Variants in HSF2BP observed in about 807,000 individuals in gnomAD.
HSF2BP encodes heat shock factor 2-binding protein.
HSF2BP carries 35 observed loss-of-function variants against 35.0 expected under a neutral mutation model. That is an observed-to-expected ratio of 1.00 (90% CI 0.76 to 1.32). The LOEUF is 1.32. Among genes scored for constraint, HSF2BP ranks in the 40% most tolerant of loss-of-function variants. The pLI is 0.00. For synonymous variants in HSF2BP, 114 were observed against 117.4 expected (o/e 0.97, Z 0.18); for missense variants, 326 against 321.7 (o/e 1.01, Z -0.10).
chr21:43,644,287 A>C lies in HSF2BP; in HGVS notation c.291+2T>G. ...GTGAGAGTCTGTCCCTGAGCATGGTACCTTCTTCTCTCTTATGTTGTCGGC... is the reference window on the plus strand; with the variant it reads ...GTGAGAGTCTGTCCCTGAGCATGGTCCCTTCTTCTCTCTTATGTTGTCGGC... On this transcript the variant is annotated splice_donor_variant, in intron 4 of 8. Transcript: ENST00000291560. LOFTEE classifies it high-confidence loss of function. 2 of 1,609,806 alleles carry C rather than the reference A, an allele frequency of 1.2e-6. No individual in the cohort carries two copies. The highest frequency in any genetic ancestry group is 1.7e-6 in the Non-Finnish European group (2 of 1,176,152).
chr21:43,646,304 A>G (rs1262983995), intron 3 of HSF2BP, among the ~76,000 whole-genome samples: 1 of 152,214 alleles, frequency 6.6e-6, no homozygotes, highest in East Asian at 1.9e-4. Context: ...ATCCCAGCCA[A>G]AAAATCAACT....
chr21:43,595,724 TAA>T (rs1394040311), intron 7 of HSF2BP, among the ~76,000 whole-genome samples: 28 of 132,446 alleles, frequency 2.1e-4, no homozygotes, highest in Non-Finnish European at 4.3e-4. Flanking sequence ...ATTAAGAGGC[TAA>T]TTTTTTTTTT....
At chr21:43,631,304 G>A (rs956082040) in intron 5 of HSF2BP, among the ~76,000 whole-genome samples, 11 of 151,976 alleles carry the variant, frequency 7.2e-5, no homozygotes, top group Admixed American at 2.0e-4. Flanking sequence ...TCATGATCAC[G>A]CCATGCTCCC....
chr21:43,591,889 T>G (rs1299978433), intron 8 of HSF2BP, among the ~76,000 whole-genome samples: 1 of 152,230 alleles, frequency 6.6e-6, no homozygotes, highest in Non-Finnish European at 1.5e-5. Flanking sequence ...AGTAGCTATC[T>G]AGGTCATCAG....
the HSF2BP span, among the ~76,000 whole-genome samples, chr21:43,467,892 A>C: frequency 7.8e-6 from 1 of 128,454 alleles, no homozygotes; most frequent in African/African-American, 3.0e-5. Flanking sequence ...CACACACCAC[A>C]CACCACACAC....
chr21:43,646,270 A>C (rs1026740203), intron 3 of HSF2BP, among the ~76,000 whole-genome samples: 1 of 152,122 alleles, frequency 6.6e-6, no homozygotes, highest in South Asian at 2.1e-4. Context: ...AATGACTTTC[A>C]CTGGAATTCT....
intron 7 of HSF2BP, among the ~76,000 whole-genome samples, chr21:43,600,943 C>T (rs1456148036): frequency 2.6e-5 from 4 of 152,228 alleles, no homozygotes; most frequent in Admixed American, 6.5e-5. Flanking sequence ...CAATCTTCCA[C>T]GCCATGGTGA....
At chr21:43,625,244 C>T (rs1388174489) in intron 6 of HSF2BP, among the ~76,000 whole-genome samples, 1 of 152,018 alleles carries the variant, frequency 6.6e-6, no homozygotes, top group African/African-American at 2.4e-5. Flanking sequence ...TGGACATCAG[C>T]CAACCAATCT....
At position 43,658,159 on chromosome 21, in the gene HSF2BP, G is replaced by A. The variant is rs188960668; in HGVS notation, c.-63C>T. ...GCGCGCCCTCTGACCCCTCACGCCA[G>A]AAAGCGCGGGAACGAATCCACGCCG... On this transcript the variant is annotated 5_prime_UTR_variant, in exon 2 of 9. Transcript: ENST00000291560. 1.9e-3 allele frequency: 2,723 copies of A among 1,454,990 alleles called. 4 individuals are homozygous for A. The highest frequency in any genetic ancestry group is 2.3e-3 in the Non-Finnish European group (2,507 of 1,104,724). The allele number at this position is 1,454,990 out of a possible 1,614,324, so 90.1% of individuals were successfully genotyped here. A position where few individuals can be genotyped will look rare whatever the true frequency, so the allele number is the denominator to read the frequency against.
intron 4 of HSF2BP, among the ~76,000 whole-genome samples, chr21:43,639,711 G>GGAAAACAATTTGGCAAT (rs1204211344): frequency 6.6e-6 from 1 of 152,078 alleles, no homozygotes; most frequent in East Asian, 1.9e-4. Flanking sequence ...CAGACACTCT[G>GGAAAACAATTTGGCAAT]GAAAACAATT....
intron 7 of HSF2BP, among the ~76,000 whole-genome samples, chr21:43,593,160 T>C (rs559724223): frequency 5.9e-4 from 90 of 152,278 alleles, no homozygotes; most frequent in African/African-American, 2.0e-3. Context: ...TCAGTTACAG[T>C]GGCTTCACGC....
chr21:43,607,947 C>T (rs1457758160), intron 7 of HSF2BP, among the ~76,000 whole-genome samples: 1 of 152,110 alleles, frequency 6.6e-6, no homozygotes, highest in Non-Finnish European at 1.5e-5. Flanking sequence ...AAAATTAACT[C>T]AAGATGGATT....
chr21:43,607,166 T>C (rs1254931769), intron 7 of HSF2BP, among the ~76,000 whole-genome samples: 1 of 151,946 alleles, frequency 6.6e-6, no homozygotes, highest in Non-Finnish European at 1.5e-5. Context: ...GGCACACACC[T>C]GTAGTCCCAG....
At chr21:43,580,317 A>G (rs1420178521) in intron 8 of HSF2BP, among the ~76,000 whole-genome samples, 1 of 152,168 alleles carries the variant, frequency 6.6e-6, no homozygotes, top group East Asian at 1.9e-4. Flanking sequence ...AGTTAATTGT[A>G]TCCTGACCAG....
At chr21:43,646,134 A>T (rs549699871) in intron 3 of HSF2BP, among the ~76,000 whole-genome samples, 2 of 146,290 alleles carry the variant, frequency 1.4e-5, no homozygotes, top group South Asian at 4.4e-4. Flanking sequence ...CCAGGGTAAG[A>T]CTCCCATCTC....
At position 43,595,726 on chromosome 21, in the gene HSF2BP, ATTTTTTTTTTT is replaced by A. The variant is rs770855952; in HGVS notation, c.693-3409_693-3399del. Among the ~76,000 whole-genome samples the A allele has an allele frequency of 1.3e-3, 77 of 58,450 alleles. 1 individual carries two copies. The East Asian group carries it at 0.016, about 12-fold the overall frequency. The allele number at this position is 58,450 out of a possible 152,430, so 38.3% of individuals were successfully genotyped here. On this transcript the variant is annotated intron_variant, in intron 7 of 8. Transcript: ENST00000291560. Reference sequence around the variant, plus strand: ...AGCATCTTTAAAAATTAAGAGGCTAATTTTTTTTTTTTTTTTTTTTTTTTTTTTTTTTTGTG... The same window carrying A: ...AGCATCTTTAAAAATTAAGAGGCTAATTTTTTTTTTTTTTTTTTTTTTGTG...
At chr21:43,655,994 G>A (rs769622294) in intron 3 of HSF2BP, among the ~76,000 whole-genome samples, 11 of 152,184 alleles carry the variant, frequency 7.2e-5, no homozygotes, top group Non-Finnish European at 1.3e-4. Context: ...GGCCTTTACC[G>A]TCAAAGGCTG....
intron 7 of HSF2BP, among the ~76,000 whole-genome samples, chr21:43,596,363 A>G (rs750174042): frequency 3.1e-4 from 47 of 152,020 alleles, no homozygotes; most frequent in Non-Finnish European, 4.0e-4. Context: ...ATATACAAAA[A>G]TAAAACTTGT....
chr21:43,657,991 G>C, intron 2 of HSF2BP, 70 bp downstream of exon 2: 1 of 1,531,828 alleles, frequency 6.5e-7, no homozygotes, highest in Non-Finnish European at 8.7e-7. Context: ...AGCGCACGGG[G>C]CGAGGCCCTG....
Sources: gnomAD v4.1 joint callset for allele counts (sites outside exome capture counted in the v4.1 genomes callset) on GRCh38, gnomAD v4.1.1 for gene constraint, MANE v1.5 for transcripts, NCBI Gene and HGNC (gene_info 2026-07-23, HGNC 2026-07-21) for gene names.